Variants in TUBGCP2 observed in about 807,000 individuals in gnomAD.
The protein encoded by TUBGCP2 is gamma-tubulin complex component 2.
A neutral mutation model predicts 92.2 loss-of-function variants in TUBGCP2; 55 were observed. The ratio of observed to expected loss-of-function variants is 0.60; its 90% CI spans 0.48 to 0.75. The LOEUF is 0.75. Ranked by LOEUF, TUBGCP2 falls within the 30% of genes least tolerant of loss-of-function variation. The pLI is 0.00. For missense variants in TUBGCP2, 1,093 were observed against 1,188.9 expected (o/e 0.92, Z 1.19); for synonymous variants, 533 against 505.2 (o/e 1.06, Z -0.74).
intron 9 of TUBGCP2, 90 bp from the exon 10 acceptor site, chr10:133,289,110 A>T: frequency 3.1e-5 from 44 of 1,418,248 alleles, no homozygotes; most frequent in Non-Finnish European, 3.8e-5. Context: ...AGTGGAATGG[A>T]CATTGAATGG....
chr10:133,282,099 T>C, intron 16 of TUBGCP2, 124 bp downstream of exon 16: 1 of 1,457,834 alleles, frequency 6.9e-7, no homozygotes, highest in Non-Finnish European at 9.2e-7. Flanking sequence ...TTAAGTCTTT[T>C]CTTCAATCTG....
intron 14 of TUBGCP2, 130 bp downstream of exon 14, chr10:133,283,752 C>T (rs918655382): frequency 1.0e-5 from 13 of 1,245,984 alleles, no homozygotes; most frequent in South Asian, 5.6e-5. Flanking sequence ...GCACTCCCTG[C>T]GTCTCCCTGC....
chr10:133,297,502 C>T, intron 5 of TUBGCP2: 1 of 412,354 alleles, frequency 2.4e-6, no homozygotes, highest in Non-Finnish European at 4.7e-6. Flanking sequence ...TGTGTGGTCT[C>T]ACCCGCATCT....
rs745755618 is a variant in TUBGCP2 at position 133,288,266 on chromosome 10, CGAA to C, written c.1582_1584del (p.Phe528del). 3.1e-6 allele frequency: 5 copies of C among 1,613,678 alleles called. No homozygotes were observed. The Admixed American group carries it at 8.3e-5, about 27-fold the overall frequency. On this transcript the variant is annotated inframe_deletion, in exon 11 of 18. Transcript: ENST00000252936. Reference sequence around the variant, plus strand: ...TCCTCCGCGAGGTCCATGAAGTGCACGAAGAAGTCGCCCTGGTCCATGAGGAAG... The same window carrying C: ...TCCTCCGCGAGGTCCATGAAGTGCACGAAGTCGCCCTGGTCCATGAGGAAG...
intron 5 of TUBGCP2, among the ~76,000 whole-genome samples, chr10:133,296,807 C>T (rs920084731): frequency 8.5e-5 from 13 of 152,174 alleles, no homozygotes; most frequent in African/African-American, 1.4e-4. Context: ...TTTTCATTAA[C>T]TTACAGCATG....
At chr10:133,309,814 A>T (rs927554789), upstream of TUBGCP2, 1 of 1,613,552 alleles carries the variant, frequency 6.2e-7, no homozygotes, top group Admixed American at 1.7e-5. Flanking sequence ...GGCTGCTGCC[A>T]GGTGTTCGAT....
At chr10:133,300,980 G>A (rs1847636021) in intron 2 of TUBGCP2, among the ~76,000 whole-genome samples, 1 of 151,952 alleles carries the variant, frequency 6.6e-6, no homozygotes, top group Non-Finnish European at 1.5e-5. Flanking sequence ...CTTCAGGTTT[G>A]TACTGGAGAG....
chr10:133,288,074 C>T (rs1489033305), intron 11 of TUBGCP2, 55 bp downstream of exon 11: 30 of 1,569,326 alleles, frequency 1.9e-5, no homozygotes, highest in Non-Finnish European at 2.5e-5. Flanking sequence ...GTGCTCTCCT[C>T]CCAGCCCCTC....
At chr10:133,293,333 G>A (rs1188282706) in intron 6 of TUBGCP2, 95 bp from the exon 7 acceptor site, 6 of 1,439,352 alleles carry the variant, frequency 4.2e-6, no homozygotes, top group Non-Finnish European at 5.7e-6. Flanking sequence ...GGAAGCAAAT[G>A]ACTCACTTGA....
intron 13 of TUBGCP2, among the ~76,000 whole-genome samples, chr10:133,284,580 C>T (rs1055552115): frequency 2.6e-5 from 4 of 152,102 alleles, no homozygotes. Flanking sequence ...AGGCGGGTCT[C>T]GAACTTGTGG....
chr10:133,291,333 C>A (rs12781573), intron 8 of TUBGCP2, among the ~76,000 whole-genome samples: 1,625 of 10,818 alleles, frequency 0.15, 260 homozygotes, highest in Non-Finnish European at 0.22. Context: ...CAGCATGCAC[C>A]GTCCGTGTCC....
upstream of TUBGCP2, chr10:133,309,772 G>A: frequency 6.2e-7 from 1 of 1,612,502 alleles, no homozygotes; most frequent in Non-Finnish European, 8.5e-7. Context: ...CGTCTCCTTG[G>A]CAGGGTGCCC....
At chr10:133,286,455 G>C (rs1285500161) in intron 11 of TUBGCP2, among the ~76,000 whole-genome samples, 1 of 152,190 alleles carries the variant, frequency 6.6e-6, no homozygotes, top group Non-Finnish European at 1.5e-5. Context: ...CAGTGACAGG[G>C]AGACTCGGTG....
At position 133,279,645 on chromosome 10, in the gene TUBGCP2, C is replaced by A; in HGVS notation, c.*121G>T. 7.4e-7 allele frequency: 1 copy of A among 1,358,488 alleles called. No homozygotes were observed. Among genetic ancestry groups the A allele is most frequent in the Non-Finnish European group, 9.6e-7 (1 of 1,046,602 alleles). The allele number at this position is 1,358,488 out of a possible 1,614,324, so 84.2% of individuals were successfully genotyped here. ...GAGAAACAAAGTGAGCTGAGTCAAT[C>A]ATTCCTGCTTTATATTTAAACTGCA... On this transcript the variant is annotated 3_prime_UTR_variant, in exon 18 of 18. Coordinates refer to ENST00000252936, the MANE Select transcript of TUBGCP2 (RefSeq NM_006659.4).
At chr10:133,311,899 T>C, upstream of TUBGCP2, 2 of 1,613,188 alleles carry the variant, frequency 1.2e-6, no homozygotes, top group Non-Finnish European at 1.7e-6. Flanking sequence ...TGCTGAGGAT[T>C]CTGGGCTGCA....
intron 5 of TUBGCP2, among the ~76,000 whole-genome samples, chr10:133,294,284 G>C (rs976549203): frequency 5.3e-5 from 8 of 152,234 alleles, no homozygotes; most frequent in Admixed American, 6.5e-5. Flanking sequence ...AAACCCCTCA[G>C]GTCCCAGGAC....
intron 1 of TUBGCP2, 145 bp from the exon 2 acceptor site, chr10:133,303,125 G>A: frequency 1.6e-6 from 1 of 613,782 alleles, no homozygotes. Context: ...TCCCCCAACA[G>A]CCCAGCAGCC....
Position 133,279,486 on chromosome 10 carries a change from C to A in TUBGCP2, c.*280G>T. On this transcript the variant is annotated 3_prime_UTR_variant, in exon 18 of 18. Coordinates refer to ENST00000252936, the MANE Select transcript of TUBGCP2 (RefSeq NM_006659.4). ...TCTTTGCTTGCTCCTGGCTTAAACACCATGTATTTCCACTTTGAGGCCAAA... is the reference window on the plus strand; with the variant it reads ...TCTTTGCTTGCTCCTGGCTTAAACAACATGTATTTCCACTTTGAGGCCAAA... 2.2e-6 allele frequency: 1 copy of A among 462,088 alleles called. No individual in the cohort carries two copies. Among genetic ancestry groups the A allele is most frequent in the Non-Finnish European group, 3.8e-6 (1 of 263,820 alleles). The allele number at this position is 462,088 out of a possible 1,614,324, so 28.6% of individuals were successfully genotyped here.
At chr10:133,281,811 G>A (rs916649056) in intron 16 of TUBGCP2, among the ~76,000 whole-genome samples, 1 of 152,230 alleles carries the variant, frequency 6.6e-6, no homozygotes, top group Non-Finnish European at 1.5e-5. Context: ...TGTGAACACG[G>A]GACTGCCCAC....
Sources: gnomAD v4.1 joint callset for allele counts (sites outside exome capture counted in the v4.1 genomes callset) on GRCh38, gnomAD v4.1.1 for gene constraint, MANE v1.5 for transcripts, NCBI Gene and HGNC (gene_info 2026-07-23, HGNC 2026-07-21) for gene names.